Variants in HIVEP3 observed in about 807,000 individuals in gnomAD.
The protein encoded by HIVEP3 is transcription factor HIVEP3.
HIVEP3 carries 49 observed loss-of-function variants against 152.8 expected under a neutral mutation model. That is an observed-to-expected ratio of 0.32 (90% CI 0.26 to 0.41). The LOEUF (loss-of-function observed/expected upper bound fraction) is 0.41, where lower values mean the gene tolerates loss of function less well. HIVEP3 is among the 10% of genes least tolerant of loss of function. HIVEP3 has a pLI of 1.00. For missense variants in HIVEP3, 2,790 were observed against 3,103.3 expected (o/e 0.90, Z 2.40); for synonymous variants, 1,269 against 1,289.0 (o/e 0.98, Z 0.33).
intron 3 of HIVEP3, among the ~76,000 whole-genome samples, chr1:41,588,003 G>T (rs1644531130): frequency 6.6e-6 from 1 of 152,200 alleles, no homozygotes; most frequent in South Asian, 2.1e-4. Flanking sequence ...TAACCACACT[G>T]CAGCTGCTGG....
intron 3 of HIVEP3, among the ~76,000 whole-genome samples, chr1:41,595,995 C>A (rs574871247): frequency 6.6e-6 from 1 of 152,176 alleles, no homozygotes; most frequent in Non-Finnish European, 1.5e-5. Flanking sequence ...TCTAGAGAAC[C>A]CTGACTAATA....
chr1:41,580,845 A>C lies in HIVEP3; in HGVS notation c.3953T>G (p.Val1318Gly), dbSNP rs528884354. Reference protein sequence around the residue: ...PACPDTMVSLVVPVRVQTNMP... With the variant: ...PACPDTMVSLGVPVRVQTNMP... The stretch of plus-strand genomic sequence containing the variant: ...ATTGGTCTGAACACGGACAGGCACA[A>C]CCAGGGACACCATGGTGTCTGGACA... Residue 1318 changes from valine (V) to glycine (G), a missense_variant, in exon 4 of 9, where the codon GTT becomes GGT. Val to Gly is a moderately radical substitution (Grantham distance 109). Coordinates refer to ENST00000372583, the MANE Select transcript of HIVEP3 (RefSeq NM_024503.5). 18 of 1,595,920 alleles carry C rather than the reference A, an allele frequency of 1.1e-5. No homozygotes were observed. In the East Asian group the frequency reaches 3.6e-4, roughly 32 times the overall value.
chr1:41,544,820 TACC>T (rs1166032740), intron 5 of HIVEP3, among the ~76,000 whole-genome samples: 37 of 24,560 alleles, frequency 1.5e-3, no homozygotes, highest in African/African-American at 6.1e-3. Flanking sequence ...CTACCACCTC[TACC>T]ACCACCATCA....
chr1:41,802,606 G>A (rs749180506), intron 1 of HIVEP3, among the ~76,000 whole-genome samples: 14 of 152,160 alleles, frequency 9.2e-5, no homozygotes, highest in Non-Finnish European at 1.3e-4. Context: ...GCTCTCCAAG[G>A]CATTGCCAAA....
At chr1:41,922,545 T>C (rs1028748551), upstream of HIVEP3, among the ~76,000 whole-genome samples, 3 of 152,098 alleles carry the variant, frequency 2.0e-5, no homozygotes, top group Admixed American at 1.3e-4. Flanking sequence ...GGAGAAGATA[T>C]GTTATATAAA....
intron 1 of HIVEP3, among the ~76,000 whole-genome samples, chr1:41,868,009 C>A (rs1259490816): frequency 6.6e-6 from 1 of 151,150 alleles, no homozygotes; most frequent in Non-Finnish European, 1.5e-5. Context: ...TGAAAGCCAC[C>A]CACCATGGTC....
intron 1 of HIVEP3, among the ~76,000 whole-genome samples, chr1:41,735,803 CTCGA>C (rs1646909148): frequency 6.6e-6 from 1 of 152,188 alleles, no homozygotes; most frequent in Non-Finnish European, 1.5e-5. Flanking sequence ...AAAGCCGCCT[CTCGA>C]TCTTGGCGCC....
intron 3 of HIVEP3, among the ~76,000 whole-genome samples, chr1:41,595,114 T>C (rs1169043839): frequency 6.6e-6 from 1 of 152,202 alleles, no homozygotes; most frequent in Admixed American, 6.5e-5. Context: ...TAATTCCCCA[T>C]GTGAATATTG....
At chr1:42,002,318 G>A (rs911805812) in intron 1 of HIVEP3, among the ~76,000 whole-genome samples, 2 of 152,192 alleles carry the variant, frequency 1.3e-5, no homozygotes, top group East Asian at 3.9e-4. Flanking sequence ...CCAAGGGAAC[G>A]GGCAGGACCT....
In HIVEP3 at chr1:41,593,337, A is replaced by G. The variant is rs571552523; in HGVS notation, c.-521-8019T>C. ...TTGTTTTTTTTCTTTTTTTAAATCT[A>G]TGTATGGATATCTAGGTTTACCTCT... On this transcript the variant is annotated intron_variant, in intron 3 of 8. Coordinates refer to ENST00000372583, the MANE Select transcript of HIVEP3 (RefSeq NM_024503.5). Among the ~76,000 whole-genome samples, 7 of 151,950 alleles carry G rather than the reference A, an allele frequency of 4.6e-5. No homozygotes were observed. In the South Asian group the frequency reaches 1.5e-3, roughly 32 times the overall value.
chr1:41,913,771 T>C (rs1489692313), intron 1 of HIVEP3, among the ~76,000 whole-genome samples: 1 of 152,236 alleles, frequency 6.6e-6, no homozygotes, highest in East Asian at 1.9e-4. Context: ...AGACTAAAAT[T>C]GGTGACTGAG....
At chr1:41,525,257 C>T (rs959672980) in intron 5 of HIVEP3, among the ~76,000 whole-genome samples, 2 of 151,856 alleles carry the variant, frequency 1.3e-5, no homozygotes, top group African/African-American at 4.8e-5. Context: ...GAACAGCCAC[C>T]GCAGGCCACC....
intron 1 of HIVEP3, among the ~76,000 whole-genome samples, chr1:41,774,117 G>T (rs1328825374): frequency 1.3e-5 from 2 of 152,194 alleles, no homozygotes; most frequent in Non-Finnish European, 2.9e-5. Context: ...CTGAGGCAAA[G>T]CTGTTTCTAG....
intron 2 of HIVEP3, among the ~76,000 whole-genome samples, chr1:41,629,790 A>G (rs1308536689): frequency 3.9e-5 from 6 of 152,160 alleles, no homozygotes; most frequent in Non-Finnish European, 8.8e-5. Context: ...TGCTGGCGAG[A>G]CCGTGGAGAG....
rs116736471 is a variant in HIVEP3, at chr1:41,926,627, C to T, written n.120-8103G>A. Among the ~76,000 whole-genome samples the T allele has an allele frequency of 1.2e-3, 183 of 152,264 alleles. 1 individual carries two copies. The highest frequency in any genetic ancestry group is 4.1e-3 in the African/African-American group (171 of 41,556). ...GAAGGAGATGAGCAGTTATGGAGAG[C>T]TTACTATGTTCCAGTCACTGTGCTG... On this transcript the variant is annotated intron_variant and non_coding_transcript_variant, in intron 1 of 3. Coordinates refer to the HIVEP3 transcript ENST00000489103.
chr1:41,708,454 C>T, intron 1 of HIVEP3, among the ~76,000 whole-genome samples: 1 of 152,138 alleles, frequency 6.6e-6, no homozygotes, highest in East Asian at 1.9e-4. Flanking sequence ...AAGGGGAGGG[C>T]ATGAGCCTAA....
At chr1:42,025,085 A>G (rs1476263228) in intron 1 of HIVEP3, among the ~76,000 whole-genome samples, 3 of 152,212 alleles carry the variant, frequency 2.0e-5, no homozygotes, top group Admixed American at 1.3e-4. Flanking sequence ...AAGCTCAAGC[A>G]TCGTCTCCTT....
Position 41,583,938 on chromosome 1 carries a change from T to G in HIVEP3, c.860A>C (p.Glu287Ala), listed in dbSNP as rs774214614. Residue 287 changes from glutamate to alanine, a missense_variant, in exon 4 of 9, where the codon GAG (glutamate) becomes GCG (alanine). Physicochemically the swap from Glu to Ala is moderately radical, Grantham distance 107. This residue lies in a region of HIVEP3 where 125 missense variants were observed against 130.1 expected (regional missense o/e 0.96). Coordinates refer to ENST00000372583, the MANE Select transcript of HIVEP3 (RefSeq NM_024503.5). The surrounding 1 kb of genome is among the most constrained non-coding windows in gnomAD (Gnocchi z 6.9). Reference sequence around the variant, plus strand: ...AGGGTGACCAGAGGTGGCACTAGTCTCCTCTTCAGAATCTGTGCTTTCTCC... The same window carrying G: ...AGGGTGACCAGAGGTGGCACTAGTCGCCTCTTCAGAATCTGTGCTTTCTCC... ...TEGESTDSEE[E>A]TSATSGHPAE... is the part of the protein sequence containing the mutation. 6.2e-7 allele frequency: 1 copy of G among 1,614,110 alleles called. No individual in the cohort carries two copies. The highest frequency in any genetic ancestry group is 1.7e-5 in the Admixed American group (1 of 60,022).
chr1:41,612,081 C>T (rs147543486), intron 3 of HIVEP3, among the ~76,000 whole-genome samples: 157 of 152,220 alleles, frequency 1.0e-3, no homozygotes, highest in Admixed American at 2.3e-3. Flanking sequence ...CCCCACCTTC[C>T]TCCTCCCACT....
Sources: gnomAD v4.1 joint callset for allele counts (sites outside exome capture counted in the v4.1 genomes callset) on GRCh38, gnomAD v4.1.1 for gene constraint, gnomAD v4.1.1 regional missense constraint, Gnocchi (gnomAD v3.1) non-coding constraint, MANE v1.5 for transcripts, NCBI Gene and HGNC (gene_info 2026-07-23, HGNC 2026-07-21) for gene names.